DPP10: variants seen among roughly 807,000 people sequenced by gnomAD.
DPP10 encodes the protein dipeptidyl peptidase like 10, also known as inactive dipeptidyl peptidase 10.
Under a neutral mutation model 120.9 loss-of-function variants are expected in DPP10, and 33 were observed. The ratio of observed to expected loss-of-function variants is 0.27; its 90% confidence interval spans 0.21 to 0.37. The LOEUF is 0.37. Among genes scored for constraint, DPP10 ranks in the 10% least tolerant of loss-of-function variants. The pLI is 1.00. For missense variants in DPP10, 816 were observed against 942.8 expected (o/e 0.87, Z 1.76); for synonymous variants, 337 against 326.1 (o/e 1.03, Z -0.36).
chr2:115,698,202 C>G (rs545979305), intron 7 of DPP10, among the ~76,000 whole-genome samples: 2 of 152,102 alleles, frequency 1.3e-5, no homozygotes, highest in East Asian at 3.9e-4. Flanking sequence ...AGTTAGAAAT[C>G]AATAACAAAC....
chr2:115,042,711 CAAAT>C (rs1283856820), intron 1 of DPP10, among the ~76,000 whole-genome samples: 1 of 152,198 alleles, frequency 6.6e-6, no homozygotes, highest in Non-Finnish European at 1.5e-5. Context: ...CAGAGGGTCA[CAAAT>C]AGAACTAGCG....
intron 19 of DPP10, among the ~76,000 whole-genome samples, chr2:115,805,294 G>A (rs939960205): frequency 1.3e-5 from 2 of 152,070 alleles, no homozygotes; most frequent in Admixed American, 6.6e-5. Flanking sequence ...AAAGTATTAG[G>A]GTGGGAGTGA....
intron 1 of DPP10, among the ~76,000 whole-genome samples, chr2:115,272,120 T>C (rs527865202): frequency 1.3e-5 from 2 of 152,346 alleles, no homozygotes; most frequent in Non-Finnish European, 1.5e-5. Flanking sequence ...AAATTGTTGT[T>C]GCTGTTGTTC....
intron 21 of DPP10, among the ~76,000 whole-genome samples, chr2:115,822,774 A>G (rs1687936564): frequency 1.3e-5 from 2 of 151,976 alleles, no homozygotes; most frequent in African/African-American, 4.8e-5. Flanking sequence ...TTAAACACTT[A>G]TTAAAAATGT....
intron 1 of DPP10, among the ~76,000 whole-genome samples, chr2:114,844,209 A>G (rs995732794): frequency 2.0e-5 from 3 of 152,120 alleles, no homozygotes; most frequent in African/African-American, 7.2e-5. Context: ...TCTGTGCACA[A>G]TAATCTTTGT....
chr2:115,367,081 G>A (rs905795096), intron 3 of DPP10, among the ~76,000 whole-genome samples: 3 of 152,000 alleles, frequency 2.0e-5, no homozygotes, highest in Non-Finnish European at 4.4e-5. Flanking sequence ...GGAGGAGAGG[G>A]TTGGAAAGTA....
intron 1 of DPP10, among the ~76,000 whole-genome samples, chr2:114,611,505 A>G (rs1471551006): frequency 6.6e-6 from 1 of 152,206 alleles, no homozygotes; most frequent in Non-Finnish European, 1.5e-5. Context: ...TTTCATGCAC[A>G]CTCACACATA....
At chr2:115,328,148 A>G (rs967271237) in intron 2 of DPP10, among the ~76,000 whole-genome samples, 8 of 152,084 alleles carry the variant, frequency 5.3e-5, no homozygotes, top group Admixed American at 2.0e-4. Context: ...GGAGGAACTT[A>G]AATATGACTT....
chr2:115,148,288 C>G lies in DPP10; in HGVS notation c.61-160951C>G, dbSNP rs773372180. 5.6e-4 allele frequency among the ~76,000 whole-genome samples: 85 copies of G among 152,262 alleles called. 1 individual carries two copies. The highest frequency in any genetic ancestry group is 3.1e-3 in the Admixed American group (47 of 15,272). On this transcript the variant is annotated intron_variant, in intron 1 of 25. Transcript: ENST00000410059. The stretch of plus-strand genomic sequence containing the variant: ...AATAGACCACAATCTACAATTTTCT[C>G]CATAAGGCAGAATGCAGGCTAAGTT...
intron 3 of DPP10, among the ~76,000 whole-genome samples, chr2:115,384,524 G>T (rs887904425): frequency 7.2e-6 from 1 of 138,712 alleles, no homozygotes; most frequent in African/African-American, 2.7e-5. Flanking sequence ...GGAAGAAGAG[G>T]AAGAAGAAGA....
chr2:115,584,021 G>T (rs2082147805), intron 5 of DPP10, among the ~76,000 whole-genome samples: 1 of 152,268 alleles, frequency 6.6e-6, no homozygotes, highest in African/African-American at 2.4e-5. Context: ...CAAACATGTT[G>T]AATAACTGAA....
At chr2:115,240,181 G>A (rs542626959) in intron 1 of DPP10, among the ~76,000 whole-genome samples, 3 of 152,288 alleles carry the variant, frequency 2.0e-5, no homozygotes, top group South Asian at 2.1e-4. Context: ...TCACCACAGT[G>A]TCTTCCACAG....
At chr2:115,415,800 C>A (rs2069336280) in intron 3 of DPP10, among the ~76,000 whole-genome samples, 1 of 132,450 alleles carries the variant, frequency 7.6e-6, no homozygotes, top group East Asian at 2.2e-4. Flanking sequence ...AAAAATAAAT[C>A]AGATTATGTA....
Position 115,774,209 on chromosome 2 carries a change from T to TACACACACACACAC in DPP10, c.1222-2980_1222-2967dup, listed in dbSNP as rs3069387. On this transcript the variant is annotated intron_variant, in intron 13 of 25. Coordinates refer to ENST00000410059, the MANE Select transcript of DPP10 (RefSeq NM_020868.6). ...ATCTCATTTGTCTTTAAAACACACA[T>TACACACACACACAC]ACACACACACACACACACACACACA... Among the ~76,000 whole-genome samples the TACACACACACACAC allele has an allele frequency of 6.7e-3, 982 of 147,610 alleles. 9 individuals are homozygous for TACACACACACACAC. Among genetic ancestry groups the TACACACACACACAC allele is most frequent in the African/African-American group, 0.023 (938 of 39,996 alleles).
intron 1 of DPP10, among the ~76,000 whole-genome samples, chr2:114,763,966 T>A (rs550503595): frequency 6.6e-6 from 1 of 152,192 alleles, no homozygotes; most frequent in African/African-American, 2.4e-5. Flanking sequence ...TCCTTTATAT[T>A]ATCTCCACAG....
intron 5 of DPP10, among the ~76,000 whole-genome samples, chr2:115,573,443 C>G (rs1487710392): frequency 2.0e-5 from 3 of 151,378 alleles, no homozygotes; most frequent in Non-Finnish European, 2.9e-5. Flanking sequence ...CCACCACGCC[C>G]GGCTAATTTT....
intron 1 of DPP10, among the ~76,000 whole-genome samples, chr2:114,755,133 A>T (rs1679607684): frequency 6.6e-6 from 1 of 152,244 alleles, no homozygotes; most frequent in African/African-American, 2.4e-5. Flanking sequence ...TGTTTAAACA[A>T]GTATAAAGGA....
chr2:115,142,688 T>C (rs536134298), intron 1 of DPP10, among the ~76,000 whole-genome samples: 3 of 152,258 alleles, frequency 2.0e-5, no homozygotes, highest in African/African-American at 7.2e-5. Context: ...AGATGCTGTA[T>C]ATCTTTCTCT....
Position 115,597,594 on chromosome 2 carries a change from A to G in DPP10, c.441+71622A>G, listed in dbSNP as rs555187577. 3.2e-4 allele frequency among the ~76,000 whole-genome samples: 48 copies of G among 150,360 alleles called. 1 individual carries two copies. Among genetic ancestry groups the G allele is most frequent in the South Asian group, 6.2e-4 (3 of 4,808 alleles). ...TATATATTTTATATGCATTATATAT[A>G]TTTCATTTACATATATAAATAAAAT... On this transcript the variant is annotated intron_variant, in intron 5 of 25. Transcript: ENST00000410059.
Sources: gnomAD v4.1 joint callset for allele counts (sites outside exome capture counted in the v4.1 genomes callset) on GRCh38, gnomAD v4.1.1 for gene constraint, MANE v1.5 for transcripts, NCBI Gene and HGNC (gene_info 2026-07-23, HGNC 2026-07-21) for gene names.